AUTS2: variants seen among roughly 807,000 people sequenced by gnomAD.
The protein encoded by AUTS2 is activator of transcription and developmental regulator AUTS2.
AUTS2 carries 17 observed loss-of-function variants against 112.4 expected under a neutral mutation model. That is an observed-to-expected ratio of 0.15 (90% CI 0.10 to 0.23). AUTS2 has a LOEUF of 0.23. Among genes scored for constraint, AUTS2 ranks in the 10% least tolerant of loss-of-function variants. The pLI is 1.00. For synonymous variants in AUTS2, 751 were observed against 702.7 expected (o/e 1.07, Z -1.09); for missense variants, 1,510 against 1,701.6 (o/e 0.89, Z 1.98).
At chr7:69,656,184 C>T (rs923428873) in intron 1 of AUTS2, among the ~76,000 whole-genome samples, 1 of 152,184 alleles carries the variant, frequency 6.6e-6, no homozygotes, top group African/African-American at 2.4e-5. Context: ...CTGCCCCTTC[C>T]CCAGTGTGTG....
In AUTS2 at chr7:69,722,877, C is replaced by G. The variant is rs192333872; in HGVS notation, c.309+122915C>G. On this transcript the variant is annotated intron_variant, in intron 1 of 18. Transcript: ENST00000342771. Reference sequence around the variant, plus strand: ...TTTTTTTTCTTGGAATATGGTAACACCAAAGCATCTGAGCTACTCACACCC... The same window carrying G: ...TTTTTTTTCTTGGAATATGGTAACAGCAAAGCATCTGAGCTACTCACACCC... 9.9e-4 allele frequency among the ~76,000 whole-genome samples: 150 copies of G among 151,220 alleles called. 3 individuals are homozygous for G. The highest frequency in any genetic ancestry group is 1.9e-4 in the Non-Finnish European group (13 of 67,862).
chr7:70,249,620 G>A (rs896268753), intron 4 of AUTS2, among the ~76,000 whole-genome samples: 1 of 152,030 alleles, frequency 6.6e-6, no homozygotes, highest in Admixed American at 6.6e-5. Flanking sequence ...ATTGTTCAGG[G>A]CAAAGCAGAA....
intron 5 of AUTS2, among the ~76,000 whole-genome samples, chr7:70,486,499 G>A (rs1219725689): frequency 6.6e-6 from 1 of 152,224 alleles, no homozygotes; most frequent in African/African-American, 2.4e-5. Context: ...CACTTTGGGG[G>A]CTGAGGCGGG....
chr7:70,505,180 A>G (rs1207955679), intron 5 of AUTS2, among the ~76,000 whole-genome samples: 1 of 152,212 alleles, frequency 6.6e-6, no homozygotes, highest in East Asian at 1.9e-4. Context: ...CTATGCGTTC[A>G]TTAGCCTCAG....
chr7:70,340,350 T>G (rs922296881), intron 4 of AUTS2, among the ~76,000 whole-genome samples: 2 of 152,154 alleles, frequency 1.3e-5, no homozygotes, highest in African/African-American at 4.8e-5. Flanking sequence ...TTCGCAAACC[T>G]TATTTATAAC....
chr7:69,837,111 A>G (rs879534216), intron 1 of AUTS2, among the ~76,000 whole-genome samples: 9 of 152,162 alleles, frequency 5.9e-5, no homozygotes, highest in Non-Finnish European at 1.2e-4. Context: ...GATGATGGCT[A>G]AAAGGACTAA....
rs529071015 is a variant in AUTS2 at position 70,508,846 on chromosome 7, A to T, written c.690+73065A>T. 3.9e-5 allele frequency among the ~76,000 whole-genome samples: 6 copies of T among 152,352 alleles called. No individual in the cohort carries two copies. In the East Asian group the frequency reaches 1.2e-3, roughly 29 times the overall value. On this transcript the variant is annotated intron_variant, in intron 5 of 18. Transcript: ENST00000342771. ...TATTAATTAGTTAGGATAACATGCT[A>T]ATGTTTGCATTGTAACACTTCTGCT...
At chr7:70,738,696 C>T (rs1264151498) in intron 6 of AUTS2, among the ~76,000 whole-genome samples, 1 of 152,068 alleles carries the variant, frequency 6.6e-6, no homozygotes, top group Non-Finnish European at 1.5e-5. Context: ...CGGTGACAGT[C>T]CAGGGAAGAG....
At chr7:70,713,950 C>G (rs1009905522) in intron 6 of AUTS2, among the ~76,000 whole-genome samples, 2 of 151,452 alleles carry the variant, frequency 1.3e-5, no homozygotes, top group Non-Finnish European at 2.9e-5. Context: ...ATTTCTGATT[C>G]AGCGTGTCTG....
chr7:70,677,854 C>T (rs570490133), intron 5 of AUTS2, among the ~76,000 whole-genome samples: 88 of 152,134 alleles, frequency 5.8e-4, no homozygotes, highest in Middle Eastern at 3.4e-3. Flanking sequence ...GAGGCCGAGG[C>T]GGGTGGATCA....
intron 6 of AUTS2, among the ~76,000 whole-genome samples, chr7:70,701,258 G>A (rs532692615): frequency 7.2e-5 from 11 of 152,328 alleles, no homozygotes; most frequent in Non-Finnish European, 1.3e-4. Context: ...GGGTTGGGGG[G>A]GCGCAGCCCT....
intron 2 of AUTS2, among the ~76,000 whole-genome samples, chr7:69,914,959 A>G (rs1795515505): frequency 6.6e-6 from 1 of 152,192 alleles, no homozygotes; most frequent in Non-Finnish European, 1.5e-5. Flanking sequence ...AGCAAACATC[A>G]ACTGAACATC....
intron 2 of AUTS2, among the ~76,000 whole-genome samples, chr7:69,940,305 A>G (rs1796575755): frequency 6.6e-6 from 1 of 152,196 alleles, no homozygotes; most frequent in Non-Finnish European, 1.5e-5. Flanking sequence ...AGGGCGAATT[A>G]ACCTAGGGAA....
chr7:70,542,284 ATC>A (rs1800582042), intron 5 of AUTS2, among the ~76,000 whole-genome samples: 1 of 152,014 alleles, frequency 6.6e-6, no homozygotes, highest in African/African-American at 2.4e-5. Flanking sequence ...CTTCCTAATA[ATC>A]TGTTTTATTT....
chr7:70,498,712 A>AT (rs1203466881), intron 5 of AUTS2, among the ~76,000 whole-genome samples: 2 of 152,166 alleles, frequency 1.3e-5, no homozygotes, highest in Non-Finnish European at 2.9e-5. Flanking sequence ...TCTTTCATTT[A>AT]TTTTAACTGA....
intron 4 of AUTS2, among the ~76,000 whole-genome samples, chr7:70,434,906 G>A (rs1585140459): frequency 6.6e-6 from 1 of 152,234 alleles, no homozygotes; most frequent in South Asian, 2.1e-4. Context: ...GTTTTTCATT[G>A]AATATTGAAT....
chr7:70,462,179 A>G (rs1796993155), intron 5 of AUTS2, among the ~76,000 whole-genome samples: 1 of 152,006 alleles, frequency 6.6e-6, no homozygotes, highest in African/African-American at 2.4e-5. Context: ...TTGAACCTGG[A>G]TGGCGGAGGT....
chr7:70,501,846 C>T (rs1192185889), intron 5 of AUTS2, among the ~76,000 whole-genome samples: 1 of 152,146 alleles, frequency 6.6e-6, no homozygotes, highest in Non-Finnish European at 1.5e-5. Context: ...TCTTTTCCCC[C>T]TACCCCAGCA....
chr7:70,080,318 A>T (rs1020925072), intron 2 of AUTS2, among the ~76,000 whole-genome samples: 1 of 152,216 alleles, frequency 6.6e-6, no homozygotes, highest in African/African-American at 2.4e-5. Context: ...CATGTCCTCG[A>T]GGAAGGAAAC....
Sources: gnomAD v4.1 joint callset for allele counts (sites outside exome capture counted in the v4.1 genomes callset) on GRCh38, gnomAD v4.1.1 for gene constraint, MANE v1.5 for transcripts, NCBI Gene and HGNC (gene_info 2026-07-23, HGNC 2026-07-21) for gene names.